The following MYO1D variants were observed in gnomAD, a reference collection of about 807,000 sequenced individuals.
The protein encoded by MYO1D is unconventional myosin-Id.
In MYO1D, 83 loss-of-function variants were observed where a neutral mutation model predicts 122.0. That is an observed-to-expected ratio of 0.68 (90% CI 0.57 to 0.82). The LOEUF (loss-of-function observed/expected upper bound fraction) is 0.82, where lower values mean the gene tolerates loss of function less well. Ranked by LOEUF, MYO1D falls within the 40% of genes least tolerant of loss-of-function variation. The pLI, the probability that MYO1D is intolerant of heterozygous loss-of-function variation, is 0.00. For synonymous variants in MYO1D, 464 were observed against 446.9 expected, an observed-to-expected ratio of 1.04 and a Z score of -0.48; for missense variants, 1,157 against 1,269.5, an observed-to-expected ratio of 0.91 and a Z score of 1.35.
intron 1 of MYO1D, among the ~76,000 whole-genome samples, chr17:32,822,321 C>T (rs1462347748): frequency 7.2e-6 from 1 of 139,524 alleles, no homozygotes; most frequent in Non-Finnish European, 1.5e-5. Context: ...GGGAATTGAA[C>T]AATGAGAACA....
At chr17:32,556,502 C>A (rs2087069735) in intron 21 of MYO1D, among the ~76,000 whole-genome samples, 1 of 151,972 alleles carries the variant, frequency 6.6e-6, no homozygotes, top group South Asian at 2.1e-4. Context: ...CCAGCTTCAG[C>A]TCACACAAGC....
chr17:32,765,208 A>G, intron 7 of MYO1D, 127 bp from the exon 8 acceptor site: 1 of 699,800 alleles, frequency 1.4e-6, no homozygotes, highest in South Asian at 1.9e-5. Flanking sequence ...ACATCTCAAC[A>G]TATAAAAACA....
chr17:32,665,730 G>A (rs1285195407), intron 16 of MYO1D, among the ~76,000 whole-genome samples: 5 of 152,154 alleles, frequency 3.3e-5, no homozygotes, highest in African/African-American at 4.8e-5. Context: ...TATAGGGATC[G>A]TTGGCCCTCC....
intron 1 of MYO1D, among the ~76,000 whole-genome samples, chr17:32,868,708 C>A (rs572168725): frequency 6.6e-6 from 1 of 152,094 alleles, no homozygotes; most frequent in African/African-American, 2.4e-5. Flanking sequence ...TCTCAATAAC[C>A]CTAAAAGGCG....
At chr17:32,761,087 G>A (rs2151016454) in intron 8 of MYO1D, among the ~76,000 whole-genome samples, 1 of 152,164 alleles carries the variant, frequency 6.6e-6, no homozygotes, top group Admixed American at 6.5e-5. Flanking sequence ...AAAGATCAAG[G>A]GTTGAAATTC....
chr17:32,797,818 T>C (rs992827128), intron 1 of MYO1D, among the ~76,000 whole-genome samples: 3 of 152,204 alleles, frequency 2.0e-5, no homozygotes, highest in African/African-American at 7.2e-5. Context: ...CACAAAACTT[T>C]TTAAAATTCA....
At chr17:32,812,274 T>C (rs2090578710) in intron 1 of MYO1D, among the ~76,000 whole-genome samples, 1 of 152,256 alleles carries the variant, frequency 6.6e-6, no homozygotes, top group Non-Finnish European at 1.5e-5. Flanking sequence ...GCTGAAGTCA[T>C]CAGGTATGAT....
intron 1 of MYO1D, among the ~76,000 whole-genome samples, chr17:32,861,034 T>C (rs1022568999): frequency 2.0e-5 from 3 of 151,894 alleles, no homozygotes; most frequent in African/African-American, 7.3e-5. Context: ...TGTTATACTA[T>C]AGGGATCACG....
intron 16 of MYO1D, among the ~76,000 whole-genome samples, chr17:32,699,415 C>T (rs2089217509): frequency 6.6e-6 from 1 of 152,216 alleles, no homozygotes; most frequent in African/African-American, 2.4e-5. Flanking sequence ...GAACCACTCA[C>T]TGCCTTAGGT....
At chr17:32,517,505 T>C (rs1375781435) in intron 21 of MYO1D, among the ~76,000 whole-genome samples, 5 of 152,204 alleles carry the variant, frequency 3.3e-5, no homozygotes, top group African/African-American at 1.2e-4. Context: ...GTTAAGCTTA[T>C]GAAAAATACT....
At chr17:32,651,669 T>C (rs1394692887) in intron 19 of MYO1D, among the ~76,000 whole-genome samples, 1 of 151,032 alleles carries the variant, frequency 6.6e-6, no homozygotes, top group Non-Finnish European at 1.5e-5. Flanking sequence ...GATATCTTTT[T>C]CCCACTTTTT....
At chr17:32,606,637 C>G (rs895285223) in intron 20 of MYO1D, among the ~76,000 whole-genome samples, 5 of 152,138 alleles carry the variant, frequency 3.3e-5, no homozygotes, top group African/African-American at 7.2e-5. Context: ...AAGTACTTGA[C>G]AAAATTCAAC....
chr17:32,553,416 G>A (rs2087039712), intron 21 of MYO1D, among the ~76,000 whole-genome samples: 1 of 152,192 alleles, frequency 6.6e-6, no homozygotes, highest in Admixed American at 6.5e-5. Context: ...AAGAGCAGGG[G>A]AGAGTATTGT....
intron 17 of MYO1D, chr17:32,658,769 G>A (rs1206106296): frequency 3.5e-6 from 1 of 282,790 alleles, no homozygotes; most frequent in African/African-American, 2.2e-5. Flanking sequence ...GCTTTGAAAG[G>A]ATTAATGGAT....
intron 4 of MYO1D, among the ~76,000 whole-genome samples, chr17:32,774,136 T>C (rs1598087723): frequency 6.6e-6 from 1 of 152,276 alleles, no homozygotes; most frequent in East Asian, 1.9e-4. Flanking sequence ...ATGACTAGCC[T>C]TCCCCCACCT....
intron 20 of MYO1D, among the ~76,000 whole-genome samples, chr17:32,630,404 C>T (rs563657741): frequency 1.3e-5 from 2 of 152,180 alleles, no homozygotes; most frequent in Admixed American, 1.3e-4. Context: ...GCATAAATTA[C>T]TAAAAATAAC....
chr17:32,736,854 T>G (rs1018169527), intron 14 of MYO1D, among the ~76,000 whole-genome samples: 4 of 152,200 alleles, frequency 2.6e-5, no homozygotes, highest in African/African-American at 9.7e-5. Flanking sequence ...CAGGCTGCAG[T>G]TGACATGCAA....
intron 17 of MYO1D, 21 bp from the exon 18 acceptor site, chr17:32,654,642 T>C (rs781209089): frequency 1.3e-6 from 2 of 1,553,374 alleles, no homozygotes; most frequent in East Asian, 2.3e-5. Context: ...ATAGACAACA[T>C]GTATTAGACT....
At chr17:32,727,577 G>C (rs915148472) in intron 14 of MYO1D, 2 of 152,132 alleles carry the variant, frequency 1.3e-5, no homozygotes, top group African/African-American at 4.8e-5. Flanking sequence ...CTGTCAAGGG[G>C]AAGGAATAAA....
Sources: allele counts gnomAD v4.1 joint callset (sites outside exome capture counted in the v4.1 genomes callset), GRCh38; gene constraint gnomAD v4.1.1; transcripts MANE v1.5; gene names NCBI Gene and HGNC (gene_info 2026-07-23, HGNC 2026-07-21).